AKAP7: variants seen among roughly 807,000 people sequenced by gnomAD.
AKAP7 encodes the protein A-kinase anchoring protein 7, also known as A kinase (PRKA) anchor protein 7.
In AKAP7, 39 loss-of-function variants were observed where a neutral mutation model predicts 39.5. The observed-to-expected ratio is 0.99, with a 90% CI of 0.76 to 1.29. AKAP7 has a LOEUF of 1.29. AKAP7 is among the 50% of genes most tolerant of loss of function. AKAP7 has a pLI of 0.00. For missense variants in AKAP7, 414 were observed against 407.7 expected, an observed-to-expected ratio of 1.02 and a Z score of -0.13; for synonymous variants, 140 against 139.1, an observed-to-expected ratio of 1.01 and a Z score of -0.05.
chr6:131,263,439 A>G (rs776095800), intron 7 of AKAP7, among the ~76,000 whole-genome samples: 13 of 152,188 alleles, frequency 8.5e-5, no homozygotes, highest in Admixed American at 3.3e-4. Context: ...ATTCCCATAT[A>G]TGAAATTTGA....
At chr6:131,224,921 T>C (rs1226270884) in intron 7 of AKAP7, among the ~76,000 whole-genome samples, 1 of 151,758 alleles carries the variant, frequency 6.6e-6, no homozygotes, top group African/African-American at 2.4e-5. Flanking sequence ...CGGCTAATTT[T>C]TTTTTTAATA....
the AKAP7 span, among the ~76,000 whole-genome samples, chr6:131,129,284 CA>C: frequency 2.4e-3 from 314 of 130,904 alleles, no homozygotes; most frequent in Middle Eastern, 8.3e-3. Context: ...AAGACTCTGT[CA>C]AAAAAAAAAA....
chr6:131,142,076 G>T (rs1295133578), intron 1 of AKAP7, among the ~76,000 whole-genome samples: 6 of 151,830 alleles, frequency 4.0e-5, no homozygotes, highest in African/African-American at 1.2e-4. Flanking sequence ...TAATTAAAAG[G>T]GAAGCAGAGC....
chr6:131,133,125 A>T (rs543012300), upstream of AKAP7, among the ~76,000 whole-genome samples: 9 of 152,300 alleles, frequency 5.9e-5, no homozygotes, highest in African/African-American at 9.6e-5. Flanking sequence ...CAGCTTTCCC[A>T]TACTACTACT....
chr6:131,172,206 A>G (rs1408028), intron 5 of AKAP7, among the ~76,000 whole-genome samples: 70,859 of 152,008 alleles, frequency 0.47, 17,003 homozygotes, highest in East Asian at 0.77. Flanking sequence ...ATAAATAATT[A>G]AAGTATTTTT....
At position 131,169,258 on chromosome 6, in the gene AKAP7, C is replaced by A; in HGVS notation, c.574C>A (p.Leu192Ile). 1 of 1,613,864 alleles carries A rather than the reference C, an allele frequency of 6.2e-7. No homozygotes were observed. Among genetic ancestry groups the A allele is most frequent in the Admixed American group, 1.7e-5 (1 of 59,976 alleles). ...KLAEGDHVNSLLEIAETANRT... is the reference protein window; with the variant it reads ...KLAEGDHVNSILEIAETANRT... ...GGCAGAAGGAGATCATGTAAACTCA[C>A]TTTTGGAGATAGCAGGTAAAACAGC... The change falls in exon 5 of 8, where the codon CTT (leucine) becomes ATT (isoleucine). Residue 192 changes from leucine to isoleucine, a missense_variant. Transcript: ENST00000431975.
chr6:131,127,805 GAA>G, the AKAP7 span, among the ~76,000 whole-genome samples: 1 of 152,138 alleles, frequency 6.6e-6, no homozygotes, highest in Admixed American at 6.5e-5. Context: ...ACTGCATAAA[GAA>G]AATATAGTAC....
intron 6 of AKAP7, among the ~76,000 whole-genome samples, chr6:131,218,356 C>T (rs1350700548): frequency 1.3e-5 from 2 of 152,128 alleles, no homozygotes; most frequent in Non-Finnish European, 2.9e-5. Context: ...TATTATGACA[C>T]AGCATATTTG....
At chr6:131,224,630 T>C (rs1209690421) in intron 7 of AKAP7, among the ~76,000 whole-genome samples, 1 of 151,636 alleles carries the variant, frequency 6.6e-6, no homozygotes, top group Admixed American at 6.6e-5. Flanking sequence ...TACAAGTCAC[T>C]GATTATCTCT....
At chr6:131,203,335 G>A (rs1172730790) in intron 6 of AKAP7, among the ~76,000 whole-genome samples, 3 of 152,048 alleles carry the variant, frequency 2.0e-5, no homozygotes, top group Non-Finnish European at 4.4e-5. Flanking sequence ...CATCCATTGA[G>A]CTAATGTCAC....
chr6:131,148,101 A>T (rs958808171), intron 2 of AKAP7, among the ~76,000 whole-genome samples: 1 of 152,192 alleles, frequency 6.6e-6, no homozygotes, highest in Non-Finnish European at 1.5e-5. Flanking sequence ...GAGGATGTGC[A>T]TTGGAGGGAT....
intron 1 of AKAP7, among the ~76,000 whole-genome samples, chr6:131,141,341 A>G (rs371019181): frequency 2.6e-5 from 4 of 152,162 alleles, no homozygotes; most frequent in African/African-American, 7.2e-5. Context: ...CATGTAACAC[A>G]TTGGCTTCCC....
chr6:131,188,420 A>G (rs1385569419), intron 5 of AKAP7, among the ~76,000 whole-genome samples: 1 of 152,260 alleles, frequency 6.6e-6, no homozygotes, highest in South Asian at 2.1e-4. Context: ...GATTTTTCGT[A>G]TTATATGTGA....
In AKAP7 at chr6:131,264,835, G is replaced by T. The variant is rs567996102; in HGVS notation, c.851-16695G>T. 1.1e-4 allele frequency among the ~76,000 whole-genome samples: 16 copies of T among 152,254 alleles called. No individual in the cohort carries two copies. The South Asian group carries it at 3.3e-3, about 32-fold the overall frequency. On this transcript the variant is annotated intron_variant, in intron 7 of 7. Coordinates refer to ENST00000431975, the MANE Select transcript of AKAP7 (RefSeq NM_016377.4). ...ATGGCAGAAGGTGAAGTGGGAGCAG[G>T]CACATCACATGGCAAGAGCAGGAGC...
At chr6:131,141,716 G>T (rs1190778860) in intron 1 of AKAP7, among the ~76,000 whole-genome samples, 1 of 152,128 alleles carries the variant, frequency 6.6e-6, no homozygotes, top group Non-Finnish European at 1.5e-5. Context: ...GGACAGTGAA[G>T]GCCCATCTGA....
At chr6:131,217,892 C>A (rs1245556259) in intron 6 of AKAP7, among the ~76,000 whole-genome samples, 1 of 152,134 alleles carries the variant, frequency 6.6e-6, no homozygotes, top group Non-Finnish European at 1.5e-5. Flanking sequence ...GAATGACTTT[C>A]TCCAACCTGC....
chr6:131,136,986 G>A (rs2128221938), intron 1 of AKAP7: 2 of 612,476 alleles, frequency 3.3e-6, no homozygotes, highest in Non-Finnish European at 4.1e-6. Context: ...TTAGAGACAG[G>A]GTCTTCCTCT....
intron 1 of AKAP7, among the ~76,000 whole-genome samples, chr6:131,144,658 A>G (rs936034804): frequency 2.0e-5 from 3 of 152,232 alleles, no homozygotes; most frequent in Non-Finnish European, 4.4e-5. Context: ...ACCCATAGCA[A>G]GAAAACAAAA....
chr6:131,282,886 A>G lies in AKAP7; in HGVS notation c.*1160A>G, dbSNP rs536962621. On this transcript the variant is annotated 3_prime_UTR_variant, in exon 8 of 8. Transcript: ENST00000431975. Reference sequence around the variant, plus strand: ...GAGATATTTCTCGGGTCCTTGCAGAAAAAAACATACAGACTGTGAACAAAT... The same window carrying G: ...GAGATATTTCTCGGGTCCTTGCAGAGAAAAACATACAGACTGTGAACAAAT... The G allele has an allele frequency of 1.7e-5, 5 of 291,398 alleles. No homozygotes were observed. The South Asian group carries it at 3.4e-4, about 20-fold the overall frequency. 18.1% of individuals were successfully genotyped at this position (291,398 alleles called of 1,614,324 possible).
Sources: allele counts gnomAD v4.1 joint callset (sites outside exome capture counted in the v4.1 genomes callset), GRCh38; gene constraint gnomAD v4.1.1; transcripts MANE v1.5; gene names NCBI Gene and HGNC (gene_info 2026-07-23, HGNC 2026-07-21).